The following RYR2 variants were observed in gnomAD, a reference collection of about 807,000 sequenced individuals.
RYR2 encodes ryanodine receptor 2, also known as cardiac muscle ryanodine receptor-calcium release channel.
A neutral mutation model predicts 601.1 loss-of-function variants in RYR2; 227 were observed. The observed-to-expected ratio is 0.38, with a 90% confidence interval of 0.34 to 0.42. The LOEUF is 0.42. Among genes scored for constraint, RYR2 ranks in the 10% least tolerant of loss-of-function variants. The pLI, the probability that RYR2 is intolerant of heterozygous loss-of-function variation, is 1.00. For missense variants in RYR2, 4,646 were observed against 6,156.5 expected (o/e 0.75, Z 8.21); for synonymous variants, 2,223 against 2,175.1 (o/e 1.02, Z -0.61).
intron 1 of RYR2, among the ~76,000 whole-genome samples, chr1:237,087,421 A>G (rs1666465778): frequency 6.6e-6 from 1 of 152,114 alleles, no homozygotes; most frequent in Non-Finnish European, 1.5e-5. Flanking sequence ...ATCTGATTTT[A>G]TAGCCTACCA....
chr1:237,499,525 A>C (rs1664417213), intron 20 of RYR2, among the ~76,000 whole-genome samples: 1 of 152,234 alleles, frequency 6.6e-6, no homozygotes, highest in Admixed American at 6.5e-5. Flanking sequence ...ATCATGGTAC[A>C]AACAAGAAAC....
At chr1:237,356,154 G>A (rs1321360987) in intron 4 of RYR2, among the ~76,000 whole-genome samples, 169 bp downstream of exon 4, 1 of 152,004 alleles carries the variant, frequency 6.6e-6, no homozygotes, top group African/African-American at 2.4e-5. Flanking sequence ...AGAACCTTAT[G>A]TTTCTGGTTT....
intron 10 of RYR2, among the ~76,000 whole-genome samples, chr1:237,398,540 T>C (rs1703063719): frequency 6.6e-6 from 1 of 152,170 alleles, no homozygotes; most frequent in African/African-American, 2.4e-5. Context: ...GAAATGCAAA[T>C]TAAGACCACA....
At position 237,623,789 on chromosome 1, in the gene RYR2, G is replaced by A. The variant is rs1679354357; in HGVS notation, c.5941G>A (p.Asp1981Asn). Residue 1981 changes from aspartate to asparagine, a missense_variant, in exon 39 of 105, where the codon GAT becomes AAT. By Grantham distance (23) the Asp-to-Asn change is conservative. Transcript: ENST00000366574. Reference protein sequence around the residue: ...EQINMLLNFKDDKSECPCPEE... With the variant: ...EQINMLLNFKNDKSECPCPEE... ...GATCAATATGCTTCTCAATTTTAAG[G>A]ATGACAAAAGTGAATGTCCATGTCC... The A allele has an allele frequency of 6.2e-7, 1 of 1,611,256 alleles. No homozygotes were observed.
intron 4 of RYR2, among the ~76,000 whole-genome samples, chr1:237,362,026 T>C (rs1395918647): frequency 6.6e-6 from 1 of 152,168 alleles, no homozygotes; most frequent in African/African-American, 2.4e-5. Flanking sequence ...CCCAGGGCCG[T>C]CTATGTGTTA....
chr1:237,359,074 A>G (rs1278512188), intron 4 of RYR2, among the ~76,000 whole-genome samples: 1 of 152,098 alleles, frequency 6.6e-6, no homozygotes, highest in East Asian at 1.9e-4. Context: ...TATATCCTGA[A>G]AAGCCCTTCA....
intron 1 of RYR2, among the ~76,000 whole-genome samples, chr1:237,195,352 C>T (rs1680438080): frequency 6.6e-6 from 1 of 152,190 alleles, no homozygotes; most frequent in Non-Finnish European, 1.5e-5. Flanking sequence ...CTCCCACGTT[C>T]AAGTGATTCT....
intron 60 of RYR2, among the ~76,000 whole-genome samples, chr1:237,677,644 G>A (rs1032269314): frequency 6.6e-6 from 1 of 152,054 alleles, no homozygotes; most frequent in Non-Finnish European, 1.5e-5. Flanking sequence ...TAGAGGCCAG[G>A]GTTAATATCT....
chr1:237,380,534 T>C lies in RYR2; in HGVS notation c.576+3099T>C, dbSNP rs910596872. Among the ~76,000 whole-genome samples, 4 of 149,110 alleles carry C rather than the reference T, an allele frequency of 2.7e-5. 1 individual carries two copies. The highest frequency in any genetic ancestry group is 9.9e-5 in the African/African-American group (4 of 40,248). ...TAATAAAGAACTTAACTCATAGGGGTGTTACGGGATTAAATGCTGGAATCC... is the reference window on the plus strand; with the variant it reads ...TAATAAAGAACTTAACTCATAGGGGCGTTACGGGATTAAATGCTGGAATCC... On this transcript the variant is annotated intron_variant, in intron 8 of 104. Coordinates refer to ENST00000366574, the MANE Select transcript of RYR2 (RefSeq NM_001035.3).
intron 10 of RYR2, among the ~76,000 whole-genome samples, chr1:237,416,378 G>T (rs1704985866): frequency 6.6e-6 from 1 of 152,194 alleles, no homozygotes; most frequent in Non-Finnish European, 1.5e-5. Context: ...CGTTGGTGCA[G>T]TCATGAATTT....
chr1:237,469,848 G>T (rs563130750), intron 17 of RYR2, among the ~76,000 whole-genome samples: 3 of 152,162 alleles, frequency 2.0e-5, no homozygotes, highest in Admixed American at 2.0e-4. Context: ...CAGTCAACCC[G>T]ATACACACAT....
chr1:237,751,075 A>G (rs927958240), intron 80 of RYR2, among the ~76,000 whole-genome samples: 7 of 152,204 alleles, frequency 4.6e-5, no homozygotes, highest in African/African-American at 1.7e-4. Context: ...GATCAAAGTT[A>G]TTCTGACTTC....
intron 1 of RYR2, among the ~76,000 whole-genome samples, chr1:237,134,502 A>G (rs1672542233): frequency 1.3e-5 from 2 of 152,078 alleles, no homozygotes; most frequent in Non-Finnish European, 1.5e-5. Flanking sequence ...GATCTCATGA[A>G]ACTTATTCAC....
intron 80 of RYR2, among the ~76,000 whole-genome samples, chr1:237,746,492 C>T (rs1468606028): frequency 6.6e-6 from 1 of 151,940 alleles, no homozygotes; most frequent in African/African-American, 2.4e-5. Flanking sequence ...ACATGGAAAA[C>T]AAGGAAAGAG....
At chr1:237,674,341 A>T (rs1041742406) in intron 59 of RYR2, 122 bp downstream of exon 59, 2 of 757,818 alleles carry the variant, frequency 2.6e-6, no homozygotes, top group Non-Finnish European at 4.3e-6. Context: ...GGTACTGTTT[A>T]ATATGTTTAA....
At chr1:237,316,018 A>G (rs1695074255) in intron 2 of RYR2, among the ~76,000 whole-genome samples, 1 of 152,106 alleles carries the variant, frequency 6.6e-6, no homozygotes, top group Admixed American at 6.5e-5. Flanking sequence ...ACTGGAGATG[A>G]AGAGATGGGG....
At chr1:237,318,569 A>G (rs1695322027) in intron 2 of RYR2, among the ~76,000 whole-genome samples, 1 of 152,162 alleles carries the variant, frequency 6.6e-6, no homozygotes, top group Non-Finnish European at 1.5e-5. Flanking sequence ...TCATCTTTTG[A>G]AAGATGGGAT....
chr1:237,774,793 T>C (rs1024285451), intron 87 of RYR2, among the ~76,000 whole-genome samples: 1 of 152,172 alleles, frequency 6.6e-6, no homozygotes, highest in Non-Finnish European at 1.5e-5. Flanking sequence ...CAGGATTGAC[T>C]GATGACATTA....
chr1:237,173,456 C>G (rs1677648654), intron 1 of RYR2, among the ~76,000 whole-genome samples: 1 of 152,178 alleles, frequency 6.6e-6, no homozygotes, highest in Non-Finnish European at 1.5e-5. Context: ...GACTCCTACA[C>G]TTGAAAAGTG....
Sources: allele counts gnomAD v4.1 joint callset (sites outside exome capture counted in the v4.1 genomes callset), GRCh38; gene constraint gnomAD v4.1.1; transcripts MANE v1.5; gene names NCBI Gene and HGNC (gene_info 2026-07-23, HGNC 2026-07-21).